Variants in PSIP1 observed in about 807,000 individuals in gnomAD.
PSIP1 encodes the protein PC4 and SFRS1-interacting protein.
A neutral mutation model predicts 74.7 loss-of-function variants in PSIP1; 19 were observed. That is an observed-to-expected ratio of 0.25 (90% confidence interval 0.18 to 0.37). The LOEUF (loss-of-function observed/expected upper bound fraction) is 0.37, where lower values mean the gene tolerates loss of function less well. Ranked by LOEUF, PSIP1 falls within the 10% of genes least tolerant of loss-of-function variation. The pLI, the probability that PSIP1 is intolerant of heterozygous loss-of-function variation, is 1.00. For synonymous variants in PSIP1, 222 were observed against 195.3 expected, an observed-to-expected ratio of 1.14 and a Z score of -1.14; for missense variants, 601 against 614.3, an observed-to-expected ratio of 0.98 and a Z score of 0.23.
intron 3 of PSIP1, among the ~76,000 whole-genome samples, chr9:15,492,555 T>C (rs1651209683): frequency 6.6e-6 from 1 of 152,170 alleles, no homozygotes; most frequent in Non-Finnish European, 1.5e-5. Flanking sequence ...TGTCGGTGGA[T>C]CTACCATTCT....
intron 6 of PSIP1, among the ~76,000 whole-genome samples, chr9:15,485,111 T>C (rs573063522): frequency 1.2e-4 from 18 of 152,088 alleles, no homozygotes; most frequent in African/African-American, 4.1e-4. Flanking sequence ...TAAAAGGAGG[T>C]ATCTAAAATT....
chr9:15,494,877 C>T (rs1297717338), intron 3 of PSIP1, among the ~76,000 whole-genome samples: 1 of 152,154 alleles, frequency 6.6e-6, no homozygotes, highest in Non-Finnish European at 1.5e-5. Flanking sequence ...AACAGTATAA[C>T]ATTCCTCTTA....
Position 15,464,754 on chromosome 9 carries a change from A to ATGATT in PSIP1, c.*761_*765dup. The ATGATT allele has an allele frequency of 9.7e-6, 2 of 205,360 alleles. No homozygotes were observed. The highest frequency in any genetic ancestry group is 3.2e-3 in the Middle Eastern group (2 of 632). 12.7% of individuals were successfully genotyped at this position (205,360 alleles called of 1,614,324 possible). A position where few individuals can be genotyped will look rare whatever the true frequency, so the allele number is the denominator to read the frequency against. ...GTGCCTGCCTATAAAAGGACCTTAAATGATTTAACCCTAAAGCCAGATTCA... is the reference window on the plus strand; with the variant it reads ...GTGCCTGCCTATAAAAGGACCTTAAATGATTTGATTTAACCCTAAAGCCAGATTCA... On this transcript the variant is annotated 3_prime_UTR_variant, in exon 16 of 16. Transcript: ENST00000380733.
At position 15,507,117 on chromosome 9, in the gene PSIP1, T is replaced by C. The variant is rs533957979; in HGVS notation, c.73-480A>G. ...ATGTAAAAGCAGACATTGACAAAAG[T>C]TTAAATCAGTACCTCCCAAAGTCTG... On this transcript the variant is annotated intron_variant, in intron 2 of 15. Coordinates refer to ENST00000380733, the MANE Select transcript of PSIP1 (RefSeq NM_033222.5). 7.2e-5 allele frequency among the ~76,000 whole-genome samples: 11 copies of C among 152,216 alleles called. No homozygotes were observed. In the South Asian group the frequency reaches 2.3e-3, roughly 32 times the overall value.
intron 5 of PSIP1, among the ~76,000 whole-genome samples, chr9:15,486,354 G>A (rs2036556185): frequency 6.6e-6 from 1 of 152,110 alleles, no homozygotes; most frequent in Non-Finnish European, 1.5e-5. Context: ...GAATTATAGG[G>A]GTGGATAAAT....
intron 4 of PSIP1, among the ~76,000 whole-genome samples, chr9:15,488,276 A>T (rs2036643929): frequency 6.6e-6 from 1 of 152,018 alleles, no homozygotes; most frequent in Non-Finnish European, 1.5e-5. Flanking sequence ...GGCTTCAGTG[A>T]GCCGAGATCA....
intron 3 of PSIP1, among the ~76,000 whole-genome samples, chr9:15,498,034 C>T (rs2037166351): frequency 1.3e-5 from 2 of 152,146 alleles, no homozygotes; most frequent in Admixed American, 6.5e-5. Context: ...TTTTCCATGT[C>T]AAATTTTATA....
intron 7 of PSIP1, 129 bp downstream of exon 7, chr9:15,479,462 G>C (rs145388705): frequency 3.4e-6 from 2 of 591,690 alleles, no homozygotes; most frequent in African/African-American, 1.9e-5. Flanking sequence ...TATCTCCTTT[G>C]AAATCTGTAT....
intron 6 of PSIP1, among the ~76,000 whole-genome samples, chr9:15,485,331 G>A (rs2132114453): frequency 6.6e-6 from 1 of 152,166 alleles, no homozygotes; most frequent in Middle Eastern, 3.4e-3. Flanking sequence ...AATTCTGCCT[G>A]TATTTTAAAA....
At chr9:15,479,456 T>G in intron 7 of PSIP1, 135 bp downstream of exon 7, 5 of 561,680 alleles carry the variant, frequency 8.9e-6, no homozygotes, top group Admixed American at 3.8e-5. Context: ...CATGTTTATC[T>G]CCTTTGAAAT....
chr9:15,480,899 C>G (rs1263065035), intron 6 of PSIP1, among the ~76,000 whole-genome samples: 1 of 152,048 alleles, frequency 6.6e-6, no homozygotes, highest in Non-Finnish European at 1.5e-5. Flanking sequence ...CCAGCCTGGG[C>G]GACAGAGCAA....
rs1270199090 is a variant in PSIP1, at chr9:15,465,134, AC to A, written c.*385del. On this transcript the variant is annotated 3_prime_UTR_variant, in exon 16 of 16. Transcript: ENST00000380733. ...TCTGGTAAATCCAAGGTTTGTAAAAACTATGCACAAAACCCACAGTATTTGG... is the reference window on the plus strand; with the variant it reads ...TCTGGTAAATCCAAGGTTTGTAAAAATATGCACAAAACCCACAGTATTTGG... 4.3e-6 allele frequency: 1 copy of A among 234,312 alleles called. No homozygotes were observed. The highest frequency in any genetic ancestry group is 8.4e-6 in the Non-Finnish European group (1 of 119,116). 14.5% of individuals were successfully genotyped at this position (234,312 alleles called of 1,614,324 possible). A position where few individuals can be genotyped will look rare whatever the true frequency, so the allele number is the denominator to read the frequency against.
chr9:15,471,793 T>C, intron 10 of PSIP1: 1 of 946,104 alleles, frequency 1.1e-6, no homozygotes, highest in Non-Finnish European at 1.3e-6. Flanking sequence ...TGTTCAAGAA[T>C]TGTTTTACTG....
intron 3 of PSIP1, among the ~76,000 whole-genome samples, chr9:15,502,748 C>T (rs1443606101): frequency 2.0e-5 from 3 of 152,192 alleles, no homozygotes; most frequent in Non-Finnish European, 4.4e-5. Context: ...CAAGACTTGG[C>T]TTCAGTAAGA....
intron 3 of PSIP1, chr9:15,492,299 C>T (rs528505145): frequency 6.6e-6 from 1 of 152,256 alleles, no homozygotes; most frequent in Non-Finnish European, 1.5e-5. Context: ...ATACACCCAT[C>T]CCAAATGGGA....
In PSIP1 at chr9:15,470,353, T is replaced by G. The variant is rs970322113; in HGVS notation, c.978-360A>C. ...AAGCTGCATCTTAAAATAGACCAAT[T>G]TAATCATTGTGCATGTAACAAGCAG... On this transcript the variant is annotated intron_variant, in intron 10 of 15. Transcript: ENST00000380733. 3.3e-5 allele frequency among the ~76,000 whole-genome samples: 5 copies of G among 152,100 alleles called. No homozygotes were observed. In the East Asian group the frequency reaches 9.6e-4, roughly 29 times the overall value.
chr9:15,491,940 A>C (rs898748661), intron 3 of PSIP1: 1 of 152,188 alleles, frequency 6.6e-6, no homozygotes, highest in East Asian at 1.9e-4. Context: ...CACAAGAACA[A>C]CATGGGGGAA....
chr9:15,501,866 T>TATATATAA lies in PSIP1; in HGVS notation c.149+4694_149+4695insTTATATAT, dbSNP rs1491160431. On this transcript the variant is annotated intron_variant, in intron 3 of 15. Transcript: ENST00000380733. ...ATATATATATATATATATATATATA[T>TATATATAA]AAAACGCACACCCTCCCATATACTT... Among the ~76,000 whole-genome samples the TATATATAA allele has an allele frequency of 5.5e-4, 74 of 135,676 alleles. 2 individuals carry two copies. Among genetic ancestry groups the TATATATAA allele is most frequent in the East Asian group, 3.2e-3 (14 of 4,358 alleles). 89.0% of individuals were successfully genotyped at this position (135,676 alleles called of 152,430 possible).
At chr9:15,472,106 G>A (rs2035862061) in intron 10 of PSIP1, 2 of 983,560 alleles carry the variant, frequency 2.0e-6, no homozygotes, top group Middle Eastern at 5.2e-4. Flanking sequence ...AAATTTAAGA[G>A]AAAACAGCTT....
Sources: gnomAD v4.1 joint callset for allele counts (sites outside exome capture counted in the v4.1 genomes callset) on GRCh38, gnomAD v4.1.1 for gene constraint, MANE v1.5 for transcripts, NCBI Gene and HGNC (gene_info 2026-07-23, HGNC 2026-07-21) for gene names.